FAM162A: variants seen among roughly 807,000 people sequenced by gnomAD.
The protein encoded by FAM162A is family with sequence similarity 162 member A, also known as protein FAM162A.
In FAM162A, 23 loss-of-function variants were observed where a neutral mutation model predicts 21.8. The observed-to-expected ratio is 1.05, with a 90% CI of 0.76 to 1.49. The LOEUF (loss-of-function observed/expected upper bound fraction) is 1.49, where lower values mean the gene tolerates loss of function less well. FAM162A is among the 40% of genes most tolerant of loss of function. FAM162A has a pLI of 0.00. For missense variants in FAM162A, 165 were observed against 186.4 expected (o/e 0.89, Z 0.67); for synonymous variants, 53 against 61.3 (o/e 0.86, Z 0.64).
chr3:122,404,344 G>A lies in FAM162A; in HGVS notation c.244G>A (p.Glu82Lys). ...IWSGRFKKED[E>K]IPETVSLEML... is the part of the protein sequence containing the mutation. ...GTCAGGTCGCTTCAAAAAGGAAGAT[G>A]AAATCCCAGAGACTGTCTCGTGAGT... The change falls in exon 3 of 5, where the codon GAA becomes AAA. Residue 82 changes from glutamate (E) to lysine (K), a missense_variant. Physicochemically the swap from Glu to Lys is moderately conservative, Grantham distance 56 (BLOSUM62 1). Coordinates refer to ENST00000477892, the MANE Select transcript of FAM162A (RefSeq NM_014367.4). The A allele has an allele frequency of 3.8e-6, 6 of 1,596,398 alleles. No individual in the cohort carries two copies. The highest frequency in any genetic ancestry group is 5.1e-6 in the Non-Finnish European group (6 of 1,167,904).
At chr3:122,387,307 T>C (rs1036296907) in intron 1 of FAM162A, among the ~76,000 whole-genome samples, 4 of 152,258 alleles carry the variant, frequency 2.6e-5, no homozygotes, top group Admixed American at 2.0e-4. Context: ...CCCTAAACTC[T>C]GTTGACTGGT....
intron 1 of FAM162A, among the ~76,000 whole-genome samples, chr3:122,385,250 A>C (rs1335629729): frequency 6.6e-6 from 1 of 152,190 alleles, no homozygotes; most frequent in African/African-American, 2.4e-5. Context: ...CCCCACCTCA[A>C]GATTATCCTT....
At chr3:122,389,420 T>C (rs2075590020) in intron 1 of FAM162A, among the ~76,000 whole-genome samples, 1 of 148,278 alleles carries the variant, frequency 6.7e-6, no homozygotes, top group Admixed American at 7.3e-5. Context: ...GATAGATAGA[T>C]AGATAGATAG....
intron 4 of FAM162A, among the ~76,000 whole-genome samples, chr3:122,408,210 TC>T (rs933439654): frequency 2.0e-5 from 3 of 152,186 alleles, no homozygotes; most frequent in African/African-American, 4.8e-5. Context: ...TAAATAGTTT[TC>T]CCAAACTCAC....
At chr3:122,394,259 C>T (rs1458572863) in intron 1 of FAM162A, among the ~76,000 whole-genome samples, 1 of 152,160 alleles carries the variant, frequency 6.6e-6, no homozygotes, top group African/African-American at 2.4e-5. Flanking sequence ...ACCTCCAACA[C>T]TGGGGGTTAC....
chr3:122,403,068 G>A (rs1002831659), intron 2 of FAM162A, among the ~76,000 whole-genome samples, 186 bp downstream of exon 2: 11 of 152,172 alleles, frequency 7.2e-5, no homozygotes, highest in African/African-American at 2.7e-4. Context: ...GCCTGAGGGA[G>A]GCCCATGTTC....
intron 1 of FAM162A, among the ~76,000 whole-genome samples, chr3:122,399,961 G>A (rs542327743): frequency 7.9e-5 from 12 of 152,222 alleles, no homozygotes; most frequent in Admixed American, 2.0e-4. Flanking sequence ...GAAATTAGGC[G>A]GGTGTGGTGG....
intron 1 of FAM162A, among the ~76,000 whole-genome samples, chr3:122,387,987 C>G (rs2075582479): frequency 6.6e-6 from 1 of 151,970 alleles, no homozygotes; most frequent in East Asian, 1.9e-4. Context: ...GATCAGGAGG[C>G]AATAGGAGGT....
At chr3:122,403,892 C>T (rs1167389347) in intron 2 of FAM162A, among the ~76,000 whole-genome samples, 2 of 152,190 alleles carry the variant, frequency 1.3e-5, no homozygotes, top group Non-Finnish European at 2.9e-5. Flanking sequence ...ATCCATTGTA[C>T]AGATAATAAG....
chr3:122,410,439 C>CACTCTG lies in FAM162A; in HGVS notation c.*610_*611insTCTGAC, dbSNP rs1319562905. On this transcript the variant is annotated 3_prime_UTR_variant, in exon 5 of 5. Coordinates refer to ENST00000477892, the MANE Select transcript of FAM162A (RefSeq NM_014367.4). ...GGAGTTGCTTGGGGTCAACACAAGT[C>CACTCTG]ACCTCTTAGCTTCATGCCTTAGAAT... The CACTCTG allele has an allele frequency of 6.5e-6, 1 of 153,304 alleles. No individual in the cohort carries two copies. The highest frequency in any genetic ancestry group is 1.5e-5 in the Non-Finnish European group (1 of 68,834). The allele number at this position is 153,304 out of a possible 1,614,324, so 9.5% of individuals were successfully genotyped here.
intron 3 of FAM162A, among the ~76,000 whole-genome samples, chr3:122,405,313 T>C (rs1011997933): frequency 1.3e-5 from 2 of 152,180 alleles, no homozygotes; most frequent in Non-Finnish European, 2.9e-5. Context: ...TCTGAGCTCA[T>C]TCAGGATTTC....
chr3:122,395,188 G>T (rs1311722969), intron 1 of FAM162A, among the ~76,000 whole-genome samples: 1 of 152,148 alleles, frequency 6.6e-6, no homozygotes. Context: ...GGCTGAATGC[G>T]TTTCCCCCAT....
chr3:122,389,633 G>T (rs938887139), intron 1 of FAM162A, among the ~76,000 whole-genome samples: 1 of 152,170 alleles, frequency 6.6e-6, no homozygotes, highest in Non-Finnish European at 1.5e-5. Flanking sequence ...ATAGCTGTGT[G>T]TCGGGTTTTA....
intron 1 of FAM162A, among the ~76,000 whole-genome samples, chr3:122,392,048 G>A (rs1000726192): frequency 4.6e-5 from 7 of 152,134 alleles, no homozygotes; most frequent in African/African-American, 1.7e-4. Context: ...GAAGTACTTT[G>A]TTGAATGAAT....
At chr3:122,394,167 C>T (rs1012206926) in intron 1 of FAM162A, among the ~76,000 whole-genome samples, 3 of 152,110 alleles carry the variant, frequency 2.0e-5, no homozygotes, top group East Asian at 1.9e-4. Context: ...CTCACTATCA[C>T]GAGGACAGCA....
At chr3:122,402,689 T>C in intron 1 of FAM162A, 71 bp from the exon 2 acceptor site, 2 of 1,380,420 alleles carry the variant, frequency 1.4e-6, no homozygotes, top group Non-Finnish European at 1.9e-6. Context: ...AACTTGCGGG[T>C]ATTTCTTATT....
intron 3 of FAM162A, among the ~76,000 whole-genome samples, chr3:122,407,065 A>AT (rs1190324653): frequency 6.7e-6 from 1 of 150,170 alleles, no homozygotes; most frequent in East Asian, 2.0e-4. Flanking sequence ...ATTGTGTGCT[A>AT]TCCTGTATTT....
At chr3:122,403,644 T>A (rs2075662408) in intron 2 of FAM162A, among the ~76,000 whole-genome samples, 1 of 152,208 alleles carries the variant, frequency 6.6e-6, no homozygotes, top group Non-Finnish European at 1.5e-5. Context: ...CTGGGTCTTT[T>A]CCCGTCTTCT....
intron 2 of FAM162A, 102 bp downstream of exon 2, chr3:122,402,984 C>T: frequency 7.8e-7 from 1 of 1,289,090 alleles, no homozygotes; most frequent in African/African-American, 1.5e-5. Context: ...TATATCATAC[C>T]CTCCCATGTA....
Sources: allele counts gnomAD v4.1 joint callset (sites outside exome capture counted in the v4.1 genomes callset), GRCh38; gene constraint gnomAD v4.1.1; transcripts MANE v1.5; gene names NCBI Gene and HGNC (gene_info 2026-07-23, HGNC 2026-07-21).